The following RHOBTB1 variants were observed in gnomAD, a reference collection of about 807,000 sequenced individuals.
RHOBTB1 encodes the protein Rho related BTB domain containing 1.
In RHOBTB1, 40 loss-of-function variants were observed where a neutral mutation model predicts 71.6. The observed-to-expected ratio is 0.56, with a 90% CI of 0.43 to 0.73. The LOEUF (loss-of-function observed/expected upper bound fraction) is 0.73. Among genes scored for constraint, RHOBTB1 ranks in the 30% least tolerant of loss-of-function variants. RHOBTB1 has a pLI of 0.00. For synonymous variants in RHOBTB1, 319 were observed against 334.9 expected (o/e 0.95, Z 0.52); for missense variants, 797 against 894.0 (o/e 0.89, Z 1.38).
At position 60,974,560 on chromosome 10, in the gene RHOBTB1, C is replaced by G. The variant is rs1364676208; in HGVS notation, c.-62+11285G>C. Among the ~76,000 whole-genome samples, 5 of 151,948 alleles carry G rather than the reference C, an allele frequency of 3.3e-5. No homozygotes were observed. In the East Asian group the frequency reaches 7.7e-4, roughly 23 times the overall value. Reference sequence around the variant, plus strand: ...ATCCATCGAGATTGGGGGGTCAGTACAGAACACCCATTTCTTGGGCATGGG... The same window carrying G: ...ATCCATCGAGATTGGGGGGTCAGTAGAGAACACCCATTTCTTGGGCATGGG... On this transcript the variant is annotated intron_variant, in intron 2 of 11. Transcript: ENST00000357917.
At chr10:60,940,356 G>A (rs2084836920) in intron 2 of RHOBTB1, among the ~76,000 whole-genome samples, 1 of 152,136 alleles carries the variant, frequency 6.6e-6, no homozygotes, top group African/African-American at 2.4e-5. Flanking sequence ...AAAAGAAAGA[G>A]GGGAGAAGGG....
chr10:60,985,267 T>G (rs2086624663), intron 2 of RHOBTB1, among the ~76,000 whole-genome samples: 2 of 152,174 alleles, frequency 1.3e-5, no homozygotes, highest in East Asian at 1.9e-4. Context: ...TAATTCTACG[T>G]TTTTTAGGCA....
At chr10:60,994,908 T>C (rs1009876980) in intron 1 of RHOBTB1, among the ~76,000 whole-genome samples, 3 of 149,774 alleles carry the variant, frequency 2.0e-5, no homozygotes, top group Admixed American at 6.6e-5. Context: ...CAGTTGAAGA[T>C]AGATAAGTAA....
At position 60,872,234 on chromosome 10, in the gene RHOBTB1, G is replaced by A; in HGVS notation, c.1872C>T (p.Tyr624=). ...TACGGAACTTGGAGCATACACTGTT[G>A]TAGTTGGTGCAGATGTGGTGCAAAC... ...AWCLHHICTN[Y]NSVCSKFRKE... is the part of the protein sequence containing the mutation. The change falls in exon 10 of 11, where the codon TAC becomes TAT. Residue 624 remains tyrosine (Y), a synonymous_variant. Transcript: ENST00000337910. The A allele has an allele frequency of 6.2e-7, 1 of 1,614,176 alleles. No individual in the cohort carries two copies. Among genetic ancestry groups the A allele is most frequent in the Non-Finnish European group, 8.5e-7 (1 of 1,180,008 alleles).
intron 5 of RHOBTB1, 70 bp downstream of exon 5, chr10:60,892,740 T>C: frequency 7.3e-7 from 1 of 1,363,524 alleles, no homozygotes; most frequent in Non-Finnish European, 1.0e-6. Flanking sequence ...AACACCAGGC[T>C]ACAGAGACAC....
chr10:60,901,864 T>G (rs1433108680), intron 4 of RHOBTB1, among the ~76,000 whole-genome samples: 1 of 152,252 alleles, frequency 6.6e-6, no homozygotes, highest in Non-Finnish European at 1.5e-5. Context: ...AGTGGCCTCA[T>G]TAATCGCACT....
chr10:60,916,862 C>T (rs1053077662), intron 2 of RHOBTB1, among the ~76,000 whole-genome samples: 5 of 152,134 alleles, frequency 3.3e-5, no homozygotes, highest in Admixed American at 6.5e-5. Context: ...AACGCAATCA[C>T]GATGGTCCTT....
At chr10:60,930,448 A>G (rs946098015) in intron 2 of RHOBTB1, among the ~76,000 whole-genome samples, 1 of 152,226 alleles carries the variant, frequency 6.6e-6, no homozygotes, top group East Asian at 1.9e-4. Context: ...TAATCCAGAG[A>G]AATGCTGCTA....
intron 2 of RHOBTB1, among the ~76,000 whole-genome samples, chr10:60,915,554 C>T (rs1023979663): frequency 4.6e-5 from 7 of 152,118 alleles, no homozygotes; most frequent in South Asian, 2.1e-4. Context: ...TTCACCAGTA[C>T]CCGATGAATC....
chr10:60,991,651 T>C (rs1565208599), intron 1 of RHOBTB1, among the ~76,000 whole-genome samples: 1 of 152,048 alleles, frequency 6.6e-6, no homozygotes, highest in African/African-American at 2.4e-5. Flanking sequence ...CAGGCTGGTC[T>C]CAAACTCCTG....
At chr10:60,946,425 T>TG (rs552923422), upstream of RHOBTB1, among the ~76,000 whole-genome samples, 54 of 152,108 alleles carry the variant, frequency 3.6e-4, no homozygotes, top group African/African-American at 1.1e-3. Context: ...CCCTCATATG[T>TG]GGGGGGGCAC....
chr10:60,966,751 A>G (rs997420709), intron 2 of RHOBTB1, among the ~76,000 whole-genome samples: 9 of 151,140 alleles, frequency 6.0e-5, no homozygotes, highest in Non-Finnish European at 1.0e-4. Flanking sequence ...GGTTTGTTAC[A>G]TATGTATACA....
Position 60,905,999 on chromosome 10 carries a change from T to C in RHOBTB1, c.296+4888A>G, listed in dbSNP as rs185195596. 7.2e-5 allele frequency among the ~76,000 whole-genome samples: 11 copies of C among 152,328 alleles called. No homozygotes were observed. In the East Asian group the frequency reaches 2.1e-3, roughly 29 times the overall value. ...ATTACAGGTAACTTCAACATGAAAC[T>C]AGACATACAGAAACCATAGCTCTGA... is the stretch of plus-strand genomic sequence containing the variant. On this transcript the variant is annotated intron_variant, in intron 4 of 10. Coordinates refer to ENST00000337910, the MANE Select transcript of RHOBTB1 (RefSeq NM_014836.5).
intron 4 of RHOBTB1, among the ~76,000 whole-genome samples, chr10:60,895,268 T>C (rs889391156): frequency 1.3e-5 from 2 of 152,208 alleles, no homozygotes; most frequent in Non-Finnish European, 2.9e-5. Flanking sequence ...CCTCTGAAGA[T>C]AAAATAACTT....
At chr10:60,957,681 T>C (rs918385397) in intron 2 of RHOBTB1, among the ~76,000 whole-genome samples, 1 of 151,402 alleles carries the variant, frequency 6.6e-6, no homozygotes, top group Non-Finnish European at 1.5e-5. Context: ...AAAAAAAAGG[T>C]TTTTGGATAA....
chr10:60,970,475 C>T (rs769555908), intron 2 of RHOBTB1, among the ~76,000 whole-genome samples: 3 of 151,942 alleles, frequency 2.0e-5, no homozygotes, highest in Non-Finnish European at 2.9e-5. Flanking sequence ...TAATTCAGAT[C>T]GGTATTGAAT....
chr10:60,913,628 G>C (rs1015237801), intron 2 of RHOBTB1, among the ~76,000 whole-genome samples: 31 of 152,154 alleles, frequency 2.0e-4, no homozygotes, highest in Non-Finnish European at 3.7e-4. Flanking sequence ...GTCACTTGGT[G>C]GGGGGTTGAG....
chr10:60,920,781 A>G (rs2083515047), intron 2 of RHOBTB1, among the ~76,000 whole-genome samples: 1 of 151,858 alleles, frequency 6.6e-6, no homozygotes. Flanking sequence ...CAGCCTCTTG[A>G]GTAGCTGGGA....
At chr10:60,964,470 G>C (rs930723643) in intron 2 of RHOBTB1, among the ~76,000 whole-genome samples, 4 of 152,130 alleles carry the variant, frequency 2.6e-5, no homozygotes, top group Non-Finnish European at 4.4e-5. Context: ...TTACTTCAAG[G>C]ATTGCTGTAT....
Sources: allele counts gnomAD v4.1 joint callset (sites outside exome capture counted in the v4.1 genomes callset), GRCh38; gene constraint gnomAD v4.1.1; transcripts MANE v1.5; gene names NCBI Gene and HGNC (gene_info 2026-07-23, HGNC 2026-07-21).